ANAPC1: variants seen among roughly 807,000 people sequenced by gnomAD.
ANAPC1 encodes the protein anaphase promoting complex subunit 1, also known as anaphase-promoting complex subunit 1.
Under a neutral mutation model 208.0 loss-of-function variants are expected in ANAPC1, and 36 were observed. The observed-to-expected ratio is 0.17, with a 90% CI of 0.13 to 0.23. The LOEUF is 0.23. Among genes scored for constraint, ANAPC1 ranks in the 10% least tolerant of loss-of-function variants. The probability of loss-of-function intolerance (pLI) is 1.00; values close to 1 mark genes in which losing one functional copy is unlikely to be tolerated. For synonymous variants in ANAPC1, 378 were observed against 695.2 expected, an observed-to-expected ratio of 0.54 and a Z score of 7.18; for missense variants, 942 against 2,011.6, an observed-to-expected ratio of 0.47 and a Z score of 10.17.
At chr2:111,808,420 A>G (rs895895229) in intron 29 of ANAPC1, among the ~76,000 whole-genome samples, 13 of 152,042 alleles carry the variant, frequency 8.6e-5, no homozygotes, top group Admixed American at 4.6e-4. Context: ...AACAGAGACA[A>G]TGTTCACTAA....
rs1052156196 is a variant in ANAPC1, at chr2:111,795,121, C to G, written c.4297-227G>C. ...AATTAAGGGCAGGCATGGTGGCTCA[C>G]GACTGTAATCCCAGCACTTTGGAAG... On this transcript the variant is annotated intron_variant, in intron 34 of 47. Coordinates refer to ENST00000341068, the MANE Select transcript of ANAPC1 (RefSeq NM_022662.4). 7.7e-4 allele frequency: 258 copies of G among 336,476 alleles called. 1 individual carries two copies. The highest frequency in any genetic ancestry group is 1.3e-3 in the Non-Finnish European group (221 of 173,470). The allele number at this position is 336,476 out of a possible 1,614,324, so 20.8% of individuals were successfully genotyped here. A position where few individuals can be genotyped will look rare whatever the true frequency, so the allele number is the denominator to read the frequency against.
chr2:111,879,060 A>T, intron 2 of ANAPC1, 89 bp from the exon 3 acceptor site: 1 of 1,248,738 alleles, frequency 8.0e-7, no homozygotes, highest in South Asian at 1.5e-5. Context: ...CCATGGAGTA[A>T]GACTCAATTC....
intron 17 of ANAPC1, among the ~76,000 whole-genome samples, chr2:111,842,402 GGGAGGCTGA>G (rs998774637): frequency 2.5e-4 from 38 of 152,060 alleles, no homozygotes; most frequent in Admixed American, 1.2e-3. Flanking sequence ...CCAGCACTTT[GGGAGGCTGA>G]GACGGGCAGA....
rs1226620093 is a variant in ANAPC1 at position 111,778,770 on chromosome 2, T to G, written c.5290A>C (p.Lys1764Gln). 6.2e-7 allele frequency: 1 copy of G among 1,603,446 alleles called. No homozygotes were observed. Among genetic ancestry groups the G allele is most frequent in the Non-Finnish European group, 8.5e-7 (1 of 1,176,838 alleles). ...FCKPTVNMGQ[K>Q]QEILDLFSSV... ...GAAAAGAGATCCAGAATTTCCTGTT[T>G]CTGCAGAAAATCAGAAGTTTTGTAG... The change falls in exon 45 of 48, where the codon AAA becomes CAA. Residue 1764 changes from lysine (K) to glutamine (Q), a missense_variant and splice_region_variant. Transcript: ENST00000341068.
intron 42 of ANAPC1, 34 bp from the exon 43 acceptor site, chr2:111,782,541 T>C (rs1406917587): frequency 1.2e-6 from 2 of 1,612,518 alleles, no homozygotes; most frequent in Non-Finnish European, 8.5e-7. Flanking sequence ...ATATAAGGTA[T>C]TACTGGCAGT....
In ANAPC1 at chr2:111,856,161, G is replaced by T. The variant is rs188454958; in HGVS notation, c.1515+453C>A. Among the ~76,000 whole-genome samples, 27 of 152,280 alleles carry T rather than the reference G, an allele frequency of 1.8e-4. No homozygotes were observed. In the East Asian group the frequency reaches 4.2e-3, roughly 24 times the overall value. On this transcript the variant is annotated intron_variant, in intron 13 of 47. Coordinates refer to ENST00000341068, the MANE Select transcript of ANAPC1 (RefSeq NM_022662.4). ...GAGGCAGGAGAATAGTGTGAACCCG[G>T]GAGGCGGAGCTTGCAGTAAGCCGAG...
intron 5 of ANAPC1, 43 bp from the exon 6 acceptor site, chr2:111,872,755 T>C (rs1428339050): frequency 1.6e-6 from 2 of 1,233,290 alleles, no homozygotes; most frequent in South Asian, 2.6e-5. Context: ...TAAGAGAACC[T>C]ACCCCTTTAT....
chr2:111,853,234 T>C (rs1175252724), intron 13 of ANAPC1, among the ~76,000 whole-genome samples: 1 of 152,222 alleles, frequency 6.6e-6, no homozygotes, highest in Non-Finnish European at 1.5e-5. Flanking sequence ...GTCATTATAT[T>C]TGAAGAACAC....
Position 111,865,421 on chromosome 2 carries a change from A to G in ANAPC1, c.686-470T>C, listed in dbSNP as rs190844591. 9.2e-3 allele frequency among the ~76,000 whole-genome samples: 1,397 copies of G among 152,192 alleles called. 8 individuals are homozygous for G. The highest frequency in any genetic ancestry group is 0.014 in the Admixed American group (218 of 15,276). On this transcript the variant is annotated intron_variant, in intron 7 of 47. Transcript: ENST00000341068. ...CTGCTTTACTAGTTACACATGCAAAATAAGGTTTTTCCCAGTGAGTTCAGC... is the reference window on the plus strand; with the variant it reads ...CTGCTTTACTAGTTACACATGCAAAGTAAGGTTTTTCCCAGTGAGTTCAGC...
intron 1 of ANAPC1, among the ~76,000 whole-genome samples, chr2:111,881,823 ATC>A (rs1219343276): frequency 1.3e-5 from 2 of 152,236 alleles, no homozygotes; most frequent in Non-Finnish European, 2.9e-5. Flanking sequence ...AATGTGGTTT[ATC>A]TCTCTGTCCT....
intron 22 of ANAPC1, 39 bp from the exon 23 acceptor site, chr2:111,825,206 T>A: frequency 1.2e-6 from 2 of 1,608,138 alleles, no homozygotes; most frequent in South Asian, 2.2e-5. Context: ...TTGATAGTCA[T>A]CCTGGTAAAG....
Position 111,847,808 on chromosome 2 carries a change from G to A in ANAPC1, c.1708C>T (p.Leu570Phe). 1 of 1,604,178 alleles carries A rather than the reference G, an allele frequency of 6.2e-7. No individual in the cohort carries two copies. Among genetic ancestry groups the A allele is most frequent in the Non-Finnish European group, 8.5e-7 (1 of 1,176,216 alleles). Residue 570 changes from leucine to phenylalanine, a missense_variant, in exon 15 of 48, where the codon CTC (leucine) becomes TTC (phenylalanine). By Grantham distance (22) the Leu-to-Phe change is conservative. Transcript: ENST00000341068. Reference sequence around the variant, plus strand: ...TGGAAAGTACAATCCTCATTATAGAGAGAATCATGAAGTTTTGAAGAATCC... The same window carrying A: ...TGGAAAGTACAATCCTCATTATAGAAAGAATCATGAAGTTTTGAAGAATCC... The part of the protein sequence containing the change: ...LRDSSKLHDS[L>F]YNEDCTFQQL...
At chr2:111,842,585 G>A (rs1432187731) in intron 17 of ANAPC1, among the ~76,000 whole-genome samples, 3 of 149,990 alleles carry the variant, frequency 2.0e-5, no homozygotes, top group African/African-American at 7.4e-5. Context: ...AGAGCCTGTA[G>A]TGAGCTGAGA....
At position 111,833,275 on chromosome 2, in the gene ANAPC1, A is replaced by T; in HGVS notation, c.2421T>A (p.Tyr807Ter). 6.2e-7 allele frequency: 1 copy of T among 1,600,686 alleles called. No individual in the cohort carries two copies. The highest frequency in any genetic ancestry group is 8.5e-7 in the Non-Finnish European group (1 of 1,170,154). Reference protein sequence around the residue: ...LKLGPYVDHYYRDYPTLVRTT... With the variant: ...LKLGPYVDHY ...TTCTGACAAGCGTTGGGTAGTCTCT[A>T]TAGTAATGATCTACATAAGGCCCCA... Residue 807 changes from tyrosine (Y) to a stop codon, truncating the protein, a stop_gained, in exon 20 of 48, where the codon TAT becomes TAA. Coordinates refer to ENST00000341068, the MANE Select transcript of ANAPC1 (RefSeq NM_022662.4). LOFTEE classifies it high-confidence loss of function.
chr2:111,882,745 A>C (rs1479731523), intron 1 of ANAPC1, among the ~76,000 whole-genome samples: 1 of 152,104 alleles, frequency 6.6e-6, no homozygotes. Flanking sequence ...CTCAAAAAAA[A>C]AAAAAAGAAA....
At chr2:111,857,921 C>T (rs910645446) in intron 11 of ANAPC1, among the ~76,000 whole-genome samples, 2 of 151,930 alleles carry the variant, frequency 1.3e-5, no homozygotes, top group African/African-American at 4.8e-5. Flanking sequence ...AAAAACATCA[C>T]GCTAAGTGAA....
At position 111,834,613 on chromosome 2, in the gene ANAPC1, TG is replaced by T; in HGVS notation, c.2374del (p.Gln792SerfsTer6). The T allele has an allele frequency of 6.3e-7, 1 of 1,589,466 alleles. No homozygotes were observed. Among genetic ancestry groups the T allele is most frequent in the Non-Finnish European group, 8.6e-7 (1 of 1,168,924 alleles). On this transcript the variant is annotated frameshift_variant, in exon 19 of 48. Coordinates refer to ENST00000341068, the MANE Select transcript of ANAPC1 (RefSeq NM_022662.4). LOFTEE classifies it high-confidence loss of function. ...CTACAAACAAATTTACCTTGCCAAC[TG>T]AACGAGAAGTTCAACAAGTGAACAA... ...GICSLVELLV[Q>X]LARDLKLGPY...
chr2:111,832,893 G>A (rs1312532874), intron 20 of ANAPC1, among the ~76,000 whole-genome samples: 17 of 128,162 alleles, frequency 1.3e-4, no homozygotes, highest in East Asian at 4.9e-4. Flanking sequence ...AGCCAAGATC[G>A]CGCCACTGCA....
chr2:111,830,653 A>G (rs947734973), intron 21 of ANAPC1, among the ~76,000 whole-genome samples: 1 of 152,244 alleles, frequency 6.6e-6, no homozygotes, highest in Non-Finnish European at 1.5e-5. Context: ...TGAAAACATC[A>G]TTAGCCATTA....
Sources: allele counts gnomAD v4.1 joint callset (sites outside exome capture counted in the v4.1 genomes callset), GRCh38; gene constraint gnomAD v4.1.1; transcripts MANE v1.5; gene names NCBI Gene and HGNC (gene_info 2026-07-23, HGNC 2026-07-21).